Variants in EPHA4 observed in about 807,000 individuals in gnomAD.
EPHA4 encodes the protein ephrin type-A receptor 4.
Under a neutral mutation model 108.3 loss-of-function variants are expected in EPHA4, and 19 were observed. That is an observed-to-expected ratio of 0.18 (90% CI 0.12 to 0.26). The LOEUF (loss-of-function observed/expected upper bound fraction) is 0.26, where lower values mean the gene tolerates loss of function less well. EPHA4 is among the 10% of genes least tolerant of loss of function. The probability of loss-of-function intolerance (pLI) is 1.00; values close to 1 mark genes in which losing one functional copy is unlikely to be tolerated. For missense variants in EPHA4, 917 were observed against 1,254.0 expected (o/e 0.73, Z 4.06); for synonymous variants, 449 against 455.5 (o/e 0.99, Z 0.18).
intron 3 of EPHA4, among the ~76,000 whole-genome samples, chr2:221,548,217 C>T (rs1474663766): frequency 7.2e-5 from 11 of 152,122 alleles, no homozygotes; most frequent in Admixed American, 3.9e-4. Flanking sequence ...ATTAGCCAGG[C>T]GTGGCGCCGC....
At chr2:221,522,540 T>C (rs1467315795) in intron 3 of EPHA4, among the ~76,000 whole-genome samples, 1 of 152,178 alleles carries the variant, frequency 6.6e-6, no homozygotes, top group Non-Finnish European at 1.5e-5. Context: ...TAAGTGAAAC[T>C]GGTGTCTCTG....
intron 3 of EPHA4, among the ~76,000 whole-genome samples, chr2:221,560,077 TAG>T (rs1694416354): frequency 6.6e-6 from 1 of 152,138 alleles, no homozygotes. Context: ...TGATCAGGGT[TAG>T]AGTCAAACAA....
At chr2:221,568,327 T>C (rs996891888) in intron 2 of EPHA4, among the ~76,000 whole-genome samples, 1 of 146,210 alleles carries the variant, frequency 6.8e-6, no homozygotes, top group Non-Finnish European at 1.5e-5. Flanking sequence ...TTATTTATTC[T>C]TTTTTTTTCA....
chr2:221,442,533 C>T (rs1690458637), intron 11 of EPHA4, among the ~76,000 whole-genome samples: 1 of 152,144 alleles, frequency 6.6e-6, no homozygotes, highest in South Asian at 2.1e-4. Context: ...TGCTTGAGCC[C>T]ACCCTATGAC....
intron 3 of EPHA4, among the ~76,000 whole-genome samples, chr2:221,501,911 C>T (rs13408240): frequency 0.28 from 41,914 of 151,882 alleles, 5,982 homozygotes; most frequent in South Asian, 0.43. Flanking sequence ...TTTTGATCAG[C>T]GAATATTTTG....
Position 221,571,255 on chromosome 2 carries a change from TACAC to T in EPHA4, c.91+899_91+902del, listed in dbSNP as rs34969368. 7.7e-5 allele frequency among the ~76,000 whole-genome samples: 11 copies of T among 142,634 alleles called. No individual in the cohort carries two copies. Among genetic ancestry groups the T allele is most frequent in the Admixed American group, 1.4e-4 (2 of 14,418 alleles). 93.6% of individuals were successfully genotyped at this position (142,634 alleles called of 152,430 possible). On this transcript the variant is annotated intron_variant, in intron 1 of 17. Coordinates refer to ENST00000281821, the MANE Select transcript of EPHA4 (RefSeq NM_004438.5). The surrounding 1 kb of genome is among the most constrained non-coding windows in gnomAD (Gnocchi z 6.3). ...CAGACATGCACACACACACCACACA[TACAC>T]ACACACACACACACAGTTCGCCTCT...
At chr2:221,472,576 T>G (rs1691520624) in intron 5 of EPHA4, among the ~76,000 whole-genome samples, 3 of 152,164 alleles carry the variant, frequency 2.0e-5, no homozygotes, top group Admixed American at 6.5e-5. Context: ...CAAGAATTTT[T>G]AAAAAACTTA....
upstream of EPHA4, chr2:221,573,410 A>AG (rs1157377967): frequency 1.3e-5 from 2 of 151,912 alleles, no homozygotes; most frequent in African/African-American, 4.8e-5. This position sits in a 1 kb window ranked among gnomAD's most constrained non-coding sequence, Gnocchi z 4.5. Flanking sequence ...CCGATGCCCG[A>AG]GCCGTGGACG....
At chr2:221,546,149 G>A (rs954240021) in intron 3 of EPHA4, among the ~76,000 whole-genome samples, 7 of 152,146 alleles carry the variant, frequency 4.6e-5, no homozygotes, top group African/African-American at 1.2e-4. Flanking sequence ...GCATAGACAC[G>A]ATATATCCAG....
intron 10 of EPHA4, 27 bp from the exon 11 acceptor site, chr2:221,443,041 T>C (rs1285105747): frequency 1.2e-6 from 2 of 1,603,904 alleles, no homozygotes; most frequent in Non-Finnish European, 1.7e-6. Context: ...GAATCTACGA[T>C]GGACCAGAAA....
At chr2:221,531,154 T>C (rs1218243691) in intron 3 of EPHA4, among the ~76,000 whole-genome samples, 1 of 152,034 alleles carries the variant, frequency 6.6e-6, no homozygotes, top group East Asian at 1.9e-4. Context: ...ATCTAACCCA[T>C]GATTAGTATT....
chr2:221,573,637 T>A (rs1006346520), upstream of EPHA4: 1 of 152,000 alleles, frequency 6.6e-6, no homozygotes, highest in East Asian at 1.9e-4. The surrounding 1 kb of genome is among the most constrained non-coding windows in gnomAD (Gnocchi z 4.5). Flanking sequence ...GGGCGGCCGC[T>A]GGGAGGTGGA....
intron 11 of EPHA4, 98 bp downstream of exon 11, chr2:221,442,731 G>C (rs1484875118): frequency 1.8e-5 from 23 of 1,250,810 alleles, no homozygotes; most frequent in African/African-American, 3.0e-5. Context: ...TTAGCAATCA[G>C]TGGGTCTGCG....
chr2:221,483,535 T>TGTGTGTGTGTGTGTGAGA (rs574575643), intron 4 of EPHA4, among the ~76,000 whole-genome samples: 25 of 150,308 alleles, frequency 1.7e-4, no homozygotes, highest in African/African-American at 5.1e-4. Flanking sequence ...TGTGTGTGTG[T>TGTGTGTGTGTGTGTGAGA]GATGGAGTCT....
chr2:221,504,068 A>C (rs1188958387), intron 3 of EPHA4, among the ~76,000 whole-genome samples: 1 of 152,206 alleles, frequency 6.6e-6, no homozygotes, highest in Non-Finnish European at 1.5e-5. Flanking sequence ...CATAACAAGC[A>C]TTGACTGTTA....
chr2:221,460,321 G>T (rs147954270), intron 5 of EPHA4, among the ~76,000 whole-genome samples: 1 of 152,324 alleles, frequency 6.6e-6, no homozygotes, highest in South Asian at 2.1e-4. Context: ...GCTGAGGACA[G>T]TCAGAAAACT....
chr2:221,548,868 C>T (rs1694081219), intron 3 of EPHA4, among the ~76,000 whole-genome samples: 1 of 152,148 alleles, frequency 6.6e-6, no homozygotes, highest in South Asian at 2.1e-4. Flanking sequence ...TAGCATCCAT[C>T]CCAGGACATT....
At chr2:221,535,398 C>T (rs1693639298) in intron 3 of EPHA4, among the ~76,000 whole-genome samples, 1 of 152,212 alleles carries the variant, frequency 6.6e-6, no homozygotes, top group African/African-American at 2.4e-5. Flanking sequence ...AAAGCACTTA[C>T]CTTCCACTAA....
intron 5 of EPHA4, among the ~76,000 whole-genome samples, chr2:221,476,229 G>A (rs947222057): frequency 1.2e-4 from 19 of 152,094 alleles, no homozygotes; most frequent in Non-Finnish European, 2.2e-4. Context: ...CAGCAGGAAT[G>A]TGCTTTCTGC....
Sources: allele counts gnomAD v4.1 joint callset (sites outside exome capture counted in the v4.1 genomes callset), GRCh38; gene constraint gnomAD v4.1.1; non-coding constraint Gnocchi (gnomAD v3.1); transcripts MANE v1.5; gene names NCBI Gene and HGNC (gene_info 2026-07-23, HGNC 2026-07-21).